RBFOX1: variants seen among roughly 807,000 people sequenced by gnomAD.
RBFOX1 encodes RNA binding fox-1 homolog 1.
Under a neutral mutation model 57.7 loss-of-function variants are expected in RBFOX1, and 8 were observed. The ratio of observed to expected loss-of-function variants is 0.14; its 90% CI spans 0.08 to 0.25. The LOEUF is 0.25. RBFOX1 is among the 10% of genes least tolerant of loss of function. The pLI is 1.00. For synonymous variants in RBFOX1, 326 were observed against 222.4 expected (o/e 1.47, Z -4.15); for missense variants, 611 against 548.5 (o/e 1.11, Z -1.14).
At chr16:7,225,583 T>G (rs184766516) in intron 4 of RBFOX1, among the ~76,000 whole-genome samples, 2 of 151,816 alleles carry the variant, frequency 1.3e-5, no homozygotes, top group Admixed American at 1.3e-4. Flanking sequence ...CAGTGGGCCA[T>G]GTGAGATGAT....
In RBFOX1 at chr16:6,868,797, G is replaced by T. The variant is rs143054121; in HGVS notation, c.-15-183260G>T. ...GTATTTCTTAAAGATAGGTAATAAGGTTGCATCTTTTTGCTCCTCGAAAGA... is the reference window on the plus strand; with the variant it reads ...GTATTTCTTAAAGATAGGTAATAAGTTTGCATCTTTTTGCTCCTCGAAAGA... On this transcript the variant is annotated intron_variant, in intron 3 of 15. Transcript: ENST00000550418. Among the ~76,000 whole-genome samples the T allele has an allele frequency of 7.3e-3, 1,114 of 152,238 alleles. 19 individuals are homozygous for T. The highest frequency in any genetic ancestry group is 0.025 in the African/African-American group (1,057 of 41,536).
chr16:6,648,055 C>T (rs567600631), intron 2 of RBFOX1, among the ~76,000 whole-genome samples: 1 of 152,152 alleles, frequency 6.6e-6, no homozygotes, highest in South Asian at 2.1e-4. Flanking sequence ...CTTGCCCAGA[C>T]AGGTCTCAAA....
chr16:7,608,792 C>T (rs1054488226), intron 10 of RBFOX1, among the ~76,000 whole-genome samples: 1 of 152,286 alleles, frequency 6.6e-6, no homozygotes, highest in Admixed American at 6.5e-5. Flanking sequence ...GTGTAGCCAG[C>T]ACCGTGTAAA....
At chr16:6,565,347 C>T (rs946938122) in intron 2 of RBFOX1, among the ~76,000 whole-genome samples, 1 of 151,986 alleles carries the variant, frequency 6.6e-6, no homozygotes, top group Non-Finnish European at 1.5e-5. Context: ...ACCTCCATCT[C>T]CCAGATTCAA....
chr16:5,796,517 C>T (rs1347588), intron 3 of RBFOX1, among the ~76,000 whole-genome samples: 87,001 of 151,870 alleles, frequency 0.57, 27,005 homozygotes, highest in African/African-American at 0.83. Context: ...ATGGAATGAG[C>T]TGGATCCCAG....
chr16:6,853,033 C>T (rs755930400), intron 3 of RBFOX1, among the ~76,000 whole-genome samples: 25 of 152,162 alleles, frequency 1.6e-4, no homozygotes, highest in Non-Finnish European at 2.2e-4. Flanking sequence ...CTGGTCCCAG[C>T]TGGCTTATTG....
intron 1 of RBFOX1, among the ~76,000 whole-genome samples, chr16:6,262,962 T>C (rs1257854524): frequency 3.3e-5 from 5 of 152,106 alleles, no homozygotes; most frequent in Non-Finnish European, 2.9e-5. Flanking sequence ...GCTTTAGATG[T>C]GGAGTAGACA....
At chr16:5,294,693 C>G (rs897510819) in intron 1 of RBFOX1, among the ~76,000 whole-genome samples, 2 of 152,164 alleles carry the variant, frequency 1.3e-5, no homozygotes, top group African/African-American at 4.8e-5. Flanking sequence ...CACATTTGGA[C>G]CCCTTTGTGT....
At chr16:5,350,923 T>A (rs1017786039) in intron 1 of RBFOX1, among the ~76,000 whole-genome samples, 1 of 151,936 alleles carries the variant, frequency 6.6e-6, no homozygotes, top group Non-Finnish European at 1.5e-5. Context: ...TCTCGCAGGG[T>A]TGTGAAGAGG....
In RBFOX1 at chr16:6,569,506, G is replaced by C. The variant is rs552530493; in HGVS notation, c.-63-85097G>C. Among the ~76,000 whole-genome samples, 9 of 152,318 alleles carry C rather than the reference G, an allele frequency of 5.9e-5. No individual in the cohort carries two copies. The South Asian group carries it at 1.4e-3, about 25-fold the overall frequency. On this transcript the variant is annotated intron_variant, in intron 2 of 15. Transcript: ENST00000550418. Reference sequence around the variant, plus strand: ...TCCCATAGCTTATCCTTCACTAGATGGAAGTGTCCTAGACAGACCTCTGAG... The same window carrying C: ...TCCCATAGCTTATCCTTCACTAGATCGAAGTGTCCTAGACAGACCTCTGAG...
chr16:5,597,307 C>G (rs1478892525), intron 2 of RBFOX1, among the ~76,000 whole-genome samples: 1 of 147,594 alleles, frequency 6.8e-6, no homozygotes, highest in African/African-American at 2.5e-5. Context: ...CGCCCTCTCT[C>G]TTTTGAGACA....
chr16:5,857,293 G>C lies in RBFOX1; in HGVS notation c.319-10010G>C, dbSNP rs192563782. Among the ~76,000 whole-genome samples the C allele has an allele frequency of 2.0e-5, 3 of 152,184 alleles. No individual in the cohort carries two copies. The East Asian group carries it at 5.8e-4, about 29-fold the overall frequency. Reference sequence around the variant, plus strand: ...ACAGCACTCCAAAACAATTACAATAGCAGTATCAAAGATCACTGATCACAG... The same window carrying C: ...ACAGCACTCCAAAACAATTACAATACCAGTATCAAAGATCACTGATCACAG... On this transcript the variant is annotated intron_variant, in intron 3 of 19. Coordinates refer to the RBFOX1 transcript ENST00000641259.
chr16:5,636,128 A>C (rs1442916444), intron 3 of RBFOX1, among the ~76,000 whole-genome samples: 1 of 152,154 alleles, frequency 6.6e-6, no homozygotes, highest in African/African-American at 2.4e-5. Flanking sequence ...CGGGTGGATC[A>C]CCTGAGGTCA....
At chr16:6,212,471 C>G (rs531692110) in intron 1 of RBFOX1, among the ~76,000 whole-genome samples, 110 of 152,060 alleles carry the variant, frequency 7.2e-4, no homozygotes, top group Non-Finnish European at 1.1e-3. Context: ...TTTGGGAGGC[C>G]GAGGTGGGCA....
intron 3 of RBFOX1, among the ~76,000 whole-genome samples, chr16:6,902,307 A>C (rs980425541): frequency 2.6e-5 from 4 of 152,072 alleles, no homozygotes; most frequent in African/African-American, 7.2e-5. Context: ...ATGGAAAGCT[A>C]CTCTTACTTG....
chr16:6,688,848 T>C (rs1190189676), intron 3 of RBFOX1, among the ~76,000 whole-genome samples: 5 of 152,186 alleles, frequency 3.3e-5, no homozygotes, highest in African/African-American at 7.2e-5. Context: ...CCATGTGTTC[T>C]CATTGTTCAA....
intron 3 of RBFOX1, among the ~76,000 whole-genome samples, chr16:6,800,821 A>C (rs2046634196): frequency 6.6e-6 from 1 of 152,134 alleles, no homozygotes; most frequent in African/African-American, 2.4e-5. Context: ...TGACTGTATA[A>C]ATAGCATACA....
intron 3 of RBFOX1, among the ~76,000 whole-genome samples, chr16:7,017,125 A>C (rs2093956103): frequency 6.6e-6 from 1 of 152,032 alleles, no homozygotes; most frequent in Non-Finnish European, 1.5e-5. Context: ...TGTTCTCTCT[A>C]AATAAAAAAG....
chr16:5,943,822 C>T (rs1294852820), intron 4 of RBFOX1, among the ~76,000 whole-genome samples: 1 of 152,178 alleles, frequency 6.6e-6, no homozygotes, highest in Admixed American at 6.6e-5. Flanking sequence ...CCCACTCACC[C>T]ATCCATCGAC....
Sources: allele counts gnomAD v4.1 joint callset (sites outside exome capture counted in the v4.1 genomes callset), GRCh38; gene constraint gnomAD v4.1.1; transcripts MANE v1.5; gene names NCBI Gene and HGNC (gene_info 2026-07-23, HGNC 2026-07-21).